Variants in PRR5L observed in about 807,000 individuals in gnomAD.
PRR5L encodes proline rich 5 like.
PRR5L carries 21 observed loss-of-function variants against 36.4 expected under a neutral mutation model. That is an observed-to-expected ratio of 0.58 (90% confidence interval 0.41 to 0.83). PRR5L has a LOEUF of 0.83. PRR5L is among the 40% of genes least tolerant of loss of function. The pLI, the probability that PRR5L is intolerant of heterozygous loss-of-function variation, is 0.00. For missense variants in PRR5L, 381 were observed against 473.3 expected (o/e 0.80, Z 1.81); for synonymous variants, 188 against 197.0 (o/e 0.95, Z 0.38).
intron 2 of PRR5L, among the ~76,000 whole-genome samples, chr11:36,402,727 A>G (rs1895840): frequency 0.14 from 21,983 of 152,206 alleles, 2,011 homozygotes; most frequent in African/African-American, 0.27. Flanking sequence ...GTCGTCCCAG[A>G]GGCTGTGGAG....
chr11:36,379,779 G>C (rs1590506813), intron 1 of PRR5L, among the ~76,000 whole-genome samples: 1 of 152,170 alleles, frequency 6.6e-6, no homozygotes, highest in East Asian at 1.9e-4. Flanking sequence ...ATTTTTGTCA[G>C]TACCTGGGGA....
At chr11:36,357,378 T>C (rs1326487139) in intron 1 of PRR5L, among the ~76,000 whole-genome samples, 1 of 152,238 alleles carries the variant, frequency 6.6e-6, no homozygotes, top group African/African-American at 2.4e-5. Context: ...AGATCATTGA[T>C]GAAGGTGGCT....
intron 1 of PRR5L, among the ~76,000 whole-genome samples, chr11:36,327,446 A>G (rs1366721873): frequency 6.6e-6 from 1 of 152,190 alleles, no homozygotes; most frequent in African/African-American, 2.4e-5. Flanking sequence ...CTAGTATAGC[A>G]TCACATGACA....
chr11:36,370,609 A>C (rs1184378969), intron 1 of PRR5L, among the ~76,000 whole-genome samples: 1 of 152,148 alleles, frequency 6.6e-6, no homozygotes, highest in Non-Finnish European at 1.5e-5. Context: ...AGGCCGGGCG[A>C]GGTGGCTCAC....
At position 36,445,732 on chromosome 11, in the gene PRR5L, C is replaced by T. The variant is rs555675108; in HGVS notation, c.445-568C>T. ...CTAAACTATGTAGAATCATGCCTAG[C>T]ACATAGAATTTAATACATGTTAGCT... is the stretch of plus-strand genomic sequence containing the variant. On this transcript the variant is annotated intron_variant, in intron 6 of 8. Coordinates refer to ENST00000530639, the MANE Select transcript of PRR5L (RefSeq NM_001160167.2). Among the ~76,000 whole-genome samples, 13 of 152,278 alleles carry T rather than the reference C, an allele frequency of 8.5e-5. No individual in the cohort carries two copies. The East Asian group carries it at 2.5e-3, about 29-fold the overall frequency.
intron 1 of PRR5L, among the ~76,000 whole-genome samples, chr11:36,386,817 G>T (rs1369556295): frequency 1.3e-5 from 2 of 152,160 alleles, no homozygotes; most frequent in Non-Finnish European, 2.9e-5. Flanking sequence ...ATTAACTGAG[G>T]GAATAGATGC....
At chr11:36,346,944 A>G (rs1350753935) in intron 1 of PRR5L, among the ~76,000 whole-genome samples, 5 of 152,232 alleles carry the variant, frequency 3.3e-5, no homozygotes, top group African/African-American at 4.8e-5. Flanking sequence ...ACAATACACA[A>G]AAGAATAGGC....
chr11:36,414,356 C>T (rs1456950462), intron 3 of PRR5L, among the ~76,000 whole-genome samples: 1 of 149,056 alleles, frequency 6.7e-6, no homozygotes, highest in Non-Finnish European at 1.5e-5. Context: ...CCTATTTCTC[C>T]ACATCCTCTC....
chr11:36,425,021 CAT>C (rs1292865689), intron 4 of PRR5L, among the ~76,000 whole-genome samples: 7 of 152,274 alleles, frequency 4.6e-5, no homozygotes, highest in Non-Finnish European at 8.8e-5. Context: ...AGAGTTTCAC[CAT>C]ATTGGTCAGG....
chr11:36,410,374 C>G (rs1340441107), intron 3 of PRR5L, among the ~76,000 whole-genome samples: 1 of 152,128 alleles, frequency 6.6e-6, no homozygotes, highest in Non-Finnish European at 1.5e-5. Flanking sequence ...TTGGTCCTTA[C>G]AGTACACACT....
At chr11:36,423,752 GAGA>G (rs1416641241) in intron 4 of PRR5L, among the ~76,000 whole-genome samples, 2 of 151,470 alleles carry the variant, frequency 1.3e-5, no homozygotes, top group African/African-American at 4.9e-5. Context: ...GAAGACAGAG[GAGA>G]AGTTATGTTT....
chr11:36,351,784 T>TTTATATATA (rs1565409758), intron 1 of PRR5L, among the ~76,000 whole-genome samples: 38 of 107,804 alleles, frequency 3.5e-4, no homozygotes, highest in African/African-American at 1.3e-3. Context: ...TATTTATATA[T>TTTATATATA]TTTTTTTATA....
At chr11:36,375,171 G>A (rs1159004010) in intron 1 of PRR5L, among the ~76,000 whole-genome samples, 2 of 151,668 alleles carry the variant, frequency 1.3e-5, no homozygotes, top group Non-Finnish European at 2.9e-5. Flanking sequence ...GGGAGGTGGA[G>A]GTTGCAGGGA....
chr11:36,390,361 G>C (rs938856827), intron 1 of PRR5L, among the ~76,000 whole-genome samples: 4 of 152,346 alleles, frequency 2.6e-5, no homozygotes, highest in African/African-American at 9.6e-5. Flanking sequence ...CCAATGAGCA[G>C]ACTTCAGAGT....
intron 5 of PRR5L, among the ~76,000 whole-genome samples, chr11:36,436,756 C>A (rs116504397): frequency 6.6e-6 from 1 of 152,156 alleles, no homozygotes; most frequent in Non-Finnish European, 1.5e-5. Context: ...GCTCTGCCTT[C>A]GAGCTGTGTG....
chr11:36,465,021 A>G lies in PRR5L; in HGVS notation c.*2285A>G, dbSNP rs1471950052. 6.6e-6 allele frequency: 1 copy of G among 152,172 alleles called. No homozygotes were observed. Among genetic ancestry groups the G allele is most frequent in the Non-Finnish European group, 1.5e-5 (1 of 68,026 alleles). The allele number at this position is 152,172 out of a possible 1,614,324, so 9.4% of individuals were successfully genotyped here. ...TAGCTATCAGAGAGCTATTGGAGTG[A>G]GAGCTGAGGTGTCCTTAACCACTTT... is the stretch of plus-strand genomic sequence containing the variant. On this transcript the variant is annotated 3_prime_UTR_variant, in exon 9 of 9. Coordinates refer to ENST00000530639, the MANE Select transcript of PRR5L (RefSeq NM_001160167.2).
At chr11:36,375,644 A>T (rs1469131642) in intron 1 of PRR5L, among the ~76,000 whole-genome samples, 2 of 152,236 alleles carry the variant, frequency 1.3e-5, no homozygotes, top group Admixed American at 1.3e-4. Flanking sequence ...TGAGTCCTGC[A>T]AACAGCTGCA....
At chr11:36,343,008 G>A (rs1170416944) in intron 1 of PRR5L, among the ~76,000 whole-genome samples, 1 of 152,108 alleles carries the variant, frequency 6.6e-6, no homozygotes, top group African/African-American at 2.4e-5. Context: ...TTGATGTTTC[G>A]AGGAGATCAT....
intron 4 of PRR5L, among the ~76,000 whole-genome samples, chr11:36,430,033 C>T: frequency 6.7e-6 from 1 of 149,620 alleles, no homozygotes; most frequent in Middle Eastern, 3.5e-3. Context: ...GAAGGAATTG[C>T]TTTTTTTTTT....
Sources: allele counts gnomAD v4.1 joint callset (sites outside exome capture counted in the v4.1 genomes callset), GRCh38; gene constraint gnomAD v4.1.1; transcripts MANE v1.5; gene names NCBI Gene and HGNC (gene_info 2026-07-23, HGNC 2026-07-21).